The following GBE1 variants were observed in gnomAD, a reference collection of about 807,000 sequenced individuals.
GBE1 encodes the protein 1,4-alpha-glucan-branching enzyme.
In GBE1, 70 loss-of-function variants were observed where a neutral mutation model predicts 88.8. The observed-to-expected ratio is 0.79, with a 90% CI of 0.65 to 0.96. The LOEUF (loss-of-function observed/expected upper bound fraction) is 0.96, where lower values mean the gene tolerates loss of function less well. Among genes scored for constraint, GBE1 ranks in the 40% least tolerant of loss-of-function variants. The pLI is 0.00. For missense variants in GBE1, 872 were observed against 871.0 expected, an observed-to-expected ratio of 1.00 and a Z score of -0.01; for synonymous variants, 284 against 300.1, an observed-to-expected ratio of 0.95 and a Z score of 0.56.
At chr3:81,589,363 G>A (rs1235030817) in intron 9 of GBE1, among the ~76,000 whole-genome samples, 6 of 150,802 alleles carry the variant, frequency 4.0e-5, no homozygotes, top group Admixed American at 1.3e-4. Context: ...TTGCTTATTC[G>A]TTCAAATACA....
chr3:81,630,844 T>C (rs1704497764), intron 7 of GBE1, among the ~76,000 whole-genome samples: 2 of 152,072 alleles, frequency 1.3e-5, no homozygotes, highest in African/African-American at 2.4e-5. Flanking sequence ...TTATAGAAAA[T>C]AGCTTAAAAT....
intron 14 of GBE1, among the ~76,000 whole-genome samples, chr3:81,512,546 G>A (rs1053770921): frequency 2.6e-5 from 4 of 151,762 alleles, no homozygotes; most frequent in African/African-American, 9.7e-5. Flanking sequence ...ACCAAAATTA[G>A]TGAGACACAC....
intron 14 of GBE1, among the ~76,000 whole-genome samples, chr3:81,525,976 A>T (rs1702939001): frequency 6.6e-6 from 1 of 152,002 alleles, no homozygotes; most frequent in Non-Finnish European, 1.5e-5. Context: ...TCTTTTCAAA[A>T]AACCAGCTCA....
At chr3:81,706,503 G>A (rs1183708952) in intron 1 of GBE1, among the ~76,000 whole-genome samples, 1 of 152,166 alleles carries the variant, frequency 6.6e-6, no homozygotes, top group African/African-American at 2.4e-5. Flanking sequence ...GGTGCTCTAT[G>A]TCAGAAGTGA....
At chr3:81,741,410 ATT>A (rs1706347546) in intron 1 of GBE1, among the ~76,000 whole-genome samples, 2 of 152,274 alleles carry the variant, frequency 1.3e-5, no homozygotes, top group South Asian at 4.1e-4. Flanking sequence ...TGTTTTAAGC[ATT>A]TCCACTCCAC....
At chr3:81,685,863 T>C (rs1482017543) in intron 2 of GBE1, among the ~76,000 whole-genome samples, 1 of 152,228 alleles carries the variant, frequency 6.6e-6, no homozygotes, top group Non-Finnish European at 1.5e-5. Flanking sequence ...CTGGCTATCC[T>C]ACCATTGATA....
At chr3:81,524,417 T>C (rs1284169202) in intron 14 of GBE1, among the ~76,000 whole-genome samples, 1 of 151,868 alleles carries the variant, frequency 6.6e-6, no homozygotes, top group African/African-American at 2.4e-5. Context: ...TTTGCAAATA[T>C]TTTTCCCATA....
intron 7 of GBE1, among the ~76,000 whole-genome samples, chr3:81,637,693 A>G (rs923595640): frequency 6.6e-6 from 1 of 152,156 alleles, no homozygotes; most frequent in African/African-American, 2.4e-5. Flanking sequence ...CCTCTTAAAA[A>G]TAATTTTAGA....
At chr3:81,633,596 TA>T (rs1174551255) in intron 7 of GBE1, among the ~76,000 whole-genome samples, 1 of 152,184 alleles carries the variant, frequency 6.6e-6, no homozygotes, top group Non-Finnish European at 1.5e-5. Flanking sequence ...AACCTGATAT[TA>T]AAAGACATTT....
intron 15 of GBE1, among the ~76,000 whole-genome samples, chr3:81,497,620 G>T (rs1239740739): frequency 2.6e-5 from 4 of 152,156 alleles, no homozygotes; most frequent in Non-Finnish European, 5.9e-5. Flanking sequence ...TATACCTTCA[G>T]GTTCTTCATA....
At position 81,571,534 on chromosome 3, in the gene GBE1, T is replaced by C. The variant is rs192574542; in HGVS notation, c.1618+6391A>G. Among the ~76,000 whole-genome samples the C allele has an allele frequency of 3.3e-4, 51 of 152,314 alleles. 1 individual carries two copies. The highest frequency in any genetic ancestry group is 2.4e-3 in the Admixed American group (36 of 15,298). On this transcript the variant is annotated intron_variant, in intron 12 of 15. Coordinates refer to ENST00000429644, the MANE Select transcript of GBE1 (RefSeq NM_000158.4). ...TGTGAATCATTTATGTTTCGAGGTATACCCGGAGAGTTATATAAAAAGCAT... is the reference window on the plus strand; with the variant it reads ...TGTGAATCATTTATGTTTCGAGGTACACCCGGAGAGTTATATAAAAAGCAT...
chr3:81,581,067 A>T, intron 11 of GBE1, 98 bp downstream of exon 11: 1 of 709,292 alleles, frequency 1.4e-6, no homozygotes. Flanking sequence ...ACAGAGGTTT[A>T]TATTTCGATA....
intron 12 of GBE1, among the ~76,000 whole-genome samples, chr3:81,571,110 AG>A (rs1703567668): frequency 6.6e-6 from 1 of 152,184 alleles, no homozygotes; most frequent in Non-Finnish European, 1.5e-5. Context: ...TCAAGGTGGA[AG>A]GATAGGAAAA....
chr3:81,707,112 T>A (rs990667286), intron 1 of GBE1, among the ~76,000 whole-genome samples: 1 of 151,924 alleles, frequency 6.6e-6, no homozygotes, highest in Non-Finnish European at 1.5e-5. Flanking sequence ...AATCCACATA[T>A]TAAAAAGAGC....
At chr3:81,612,517 G>A (rs972596588) in intron 7 of GBE1, 32 of 973,210 alleles carry the variant, frequency 3.3e-5, no homozygotes, top group African/African-American at 9.6e-5. Flanking sequence ...GTGCATCTTC[G>A]TCCTTCTCCC....
At chr3:81,505,668 C>T (rs1221107477) in intron 14 of GBE1, among the ~76,000 whole-genome samples, 1 of 151,984 alleles carries the variant, frequency 6.6e-6, no homozygotes, top group African/African-American at 2.4e-5. Flanking sequence ...GCAGGAGTGG[C>T]AAAGACTTGT....
In GBE1 at chr3:81,523,003, T is replaced by C. The variant is rs1452483133; in HGVS notation, c.1934+12192A>G. 2.0e-5 allele frequency among the ~76,000 whole-genome samples: 3 copies of C among 151,482 alleles called. No individual in the cohort carries two copies. In the East Asian group the frequency reaches 5.8e-4, roughly 29 times the overall value. On this transcript the variant is annotated intron_variant, in intron 14 of 15. Coordinates refer to ENST00000429644, the MANE Select transcript of GBE1 (RefSeq NM_000158.4). ...TTCATGTAAAAATTACCTATAGACA[T>C]TTAAGCAGATAACTAAATTTCAGAA...
chr3:81,715,525 G>T (rs920905779), intron 1 of GBE1, among the ~76,000 whole-genome samples: 1 of 152,028 alleles, frequency 6.6e-6, no homozygotes, highest in African/African-American at 2.4e-5. Context: ...CAATGCCTAG[G>T]TTCACGAGAT....
At chr3:81,565,312 G>A (rs1703476793) in intron 12 of GBE1, among the ~76,000 whole-genome samples, 1 of 152,148 alleles carries the variant, frequency 6.6e-6, no homozygotes, top group Non-Finnish European at 1.5e-5. Context: ...CATTCCCACT[G>A]TTCAGGAGAG....
Sources: allele counts gnomAD v4.1 joint callset (sites outside exome capture counted in the v4.1 genomes callset), GRCh38; gene constraint gnomAD v4.1.1; transcripts MANE v1.5; gene names NCBI Gene and HGNC (gene_info 2026-07-23, HGNC 2026-07-21).